SEPTIN9: variants seen among roughly 807,000 people sequenced by gnomAD.
The protein encoded by SEPTIN9 is septin 9, also known as septin-9.
SEPTIN9 carries 13 observed loss-of-function variants against 56.6 expected under a neutral mutation model. The observed-to-expected ratio is 0.23, with a 90% confidence interval of 0.15 to 0.37. SEPTIN9 has a LOEUF of 0.37. SEPTIN9 is among the 10% of genes least tolerant of loss of function. The pLI is 1.00. For missense variants in SEPTIN9, 650 were observed against 823.1 expected, an observed-to-expected ratio of 0.79 and a Z score of 2.57; for synonymous variants, 332 against 334.1, an observed-to-expected ratio of 0.99 and a Z score of 0.07.
At chr17:77,307,724 C>T (rs1407150414) in intron 2 of SEPTIN9, among the ~76,000 whole-genome samples, 3 of 152,188 alleles carry the variant, frequency 2.0e-5, no homozygotes, top group African/African-American at 7.2e-5. Flanking sequence ...TGGAAATTTT[C>T]CACACTAACC....
chr17:77,455,012 C>G (rs186439556), intron 3 of SEPTIN9, among the ~76,000 whole-genome samples: 6 of 150,792 alleles, frequency 4.0e-5, no homozygotes, highest in Admixed American at 1.3e-4. Context: ...CTGTCCTCCC[C>G]CTGGCCGGCC....
rs761316828 is a variant in SEPTIN9 at position 77,487,571 on chromosome 17, G to T, written c.1042+19G>T. The T allele has an allele frequency of 3.1e-6, 5 of 1,611,628 alleles. No homozygotes were observed. In the South Asian group the frequency reaches 4.4e-5, roughly 14 times the overall value. On this transcript the variant is annotated intron_variant, in intron 5 of 11. Coordinates refer to ENST00000427177, the MANE Select transcript of SEPTIN9 (RefSeq NM_001113491.2). This position sits in a 1 kb window ranked among gnomAD's most constrained non-coding sequence, Gnocchi z 4.3. ...ACGCACGGTCAGTGGCCGGGAGTGG[G>T]CTGGGGGTGCAGGACGCCCCTGCCT... is the stretch of plus-strand genomic sequence containing the variant.
chr17:77,466,879 A>G (rs1273008700), intron 3 of SEPTIN9, among the ~76,000 whole-genome samples: 2 of 152,226 alleles, frequency 1.3e-5, no homozygotes, highest in African/African-American at 2.4e-5. Flanking sequence ...CACGCACAGC[A>G]CCGGTCAGCC....
At chr17:77,472,318 A>T (rs1216435115) in intron 3 of SEPTIN9, 1 of 152,138 alleles carries the variant, frequency 6.6e-6, no homozygotes, top group East Asian at 1.9e-4. Context: ...TCCACAATAG[A>T]GGAGAGGTTT....
intron 2 of SEPTIN9, among the ~76,000 whole-genome samples, chr17:77,353,880 C>T (rs773992257): frequency 8.5e-5 from 13 of 152,112 alleles, no homozygotes; most frequent in African/African-American, 2.7e-4. Context: ...AATGCACACA[C>T]GCACATTGCA....
chr17:77,311,168 A>G (rs1422697195), intron 2 of SEPTIN9, among the ~76,000 whole-genome samples: 3 of 151,954 alleles, frequency 2.0e-5, no homozygotes, highest in Non-Finnish European at 4.4e-5. Context: ...GGAGCAGATG[A>G]TGGAGTGACG....
rs199574222 is a variant in SEPTIN9 at position 77,488,295 on chromosome 17, C to T, written c.1098C>T (p.Phe366=). 1.9e-5 allele frequency: 30 copies of T among 1,613,542 alleles called. No individual in the cohort carries two copies. The highest frequency in any genetic ancestry group is 1.6e-4 in the Middle Eastern group (1 of 6,084). The change falls in exon 6 of 12, where the codon TTC becomes TTT. Residue 366 remains phenylalanine (F), a synonymous_variant. Transcript: ENST00000427177. Reference sequence around the variant, plus strand: ...TGACAGTGATTGACACACCAGGGTTCGGGGACCACATCAACAACGAGAACT... The same window carrying T: ...TGACAGTGATTGACACACCAGGGTTTGGGGACCACATCAACAACGAGAACT... ...MKLTVIDTPG[F]GDHINNENCW...
At chr17:77,466,054 TCA>T (rs10599395) in intron 3 of SEPTIN9, among the ~76,000 whole-genome samples, 20,118 of 126,872 alleles carry the variant, frequency 0.16, 1,584 homozygotes, top group Non-Finnish European at 0.18. Flanking sequence ...TTCTGGACTG[TCA>T]CACACACACA....
chr17:77,393,544 CT>C (rs1175522852), intron 2 of SEPTIN9, among the ~76,000 whole-genome samples: 1 of 152,186 alleles, frequency 6.6e-6, no homozygotes, highest in Non-Finnish European at 1.5e-5. Context: ...ACAGTCACCC[CT>C]GCCGCGTGCC....
At chr17:77,417,364 C>G (rs992268473) in intron 3 of SEPTIN9, among the ~76,000 whole-genome samples, 6 of 152,138 alleles carry the variant, frequency 3.9e-5, no homozygotes, top group African/African-American at 1.4e-4. Context: ...GCCACAGGTG[C>G]AAGGGTTTGG....
chr17:77,338,705 C>T (rs978947382), intron 2 of SEPTIN9, among the ~76,000 whole-genome samples: 3 of 152,208 alleles, frequency 2.0e-5, no homozygotes, highest in Non-Finnish European at 4.4e-5. Context: ...AGGCGTGAGC[C>T]ACTGCACCTG....
At chr17:77,452,043 A>G (rs1598396889) in intron 3 of SEPTIN9, among the ~76,000 whole-genome samples, 1 of 152,190 alleles carries the variant, frequency 6.6e-6, no homozygotes, top group East Asian at 1.9e-4. Flanking sequence ...CGGCGCCGGC[A>G]CTGGGATCCA....
At chr17:77,348,527 T>C (rs1189716807) in intron 2 of SEPTIN9, among the ~76,000 whole-genome samples, 2 of 152,268 alleles carry the variant, frequency 1.3e-5, no homozygotes, top group East Asian at 3.9e-4. Context: ...CTCGAACTCC[T>C]GACCTCAGGC....
chr17:77,479,662 C>T (rs943666177), intron 3 of SEPTIN9, among the ~76,000 whole-genome samples: 2 of 152,166 alleles, frequency 1.3e-5, no homozygotes, highest in African/African-American at 2.4e-5. Flanking sequence ...GACCCAGCTG[C>T]AGCTGAGCCG....
At chr17:77,489,277 C>T (rs906447382) in intron 7 of SEPTIN9, among the ~76,000 whole-genome samples, 15 of 152,196 alleles carry the variant, frequency 9.9e-5, no homozygotes, top group African/African-American at 3.4e-4. Context: ...CGTTCTTAGA[C>T]GGGAAGCACA....
At chr17:77,302,723 A>G (rs775935421) in intron 1 of SEPTIN9, among the ~76,000 whole-genome samples, 32 of 152,104 alleles carry the variant, frequency 2.1e-4, no homozygotes, top group Non-Finnish European at 3.5e-4. Context: ...TCCTAGATAC[A>G]TGGGTCAGTG....
intron 1 of SEPTIN9, 75 bp from the exon 2 acceptor site, chr17:77,307,066 C>A: frequency 7.3e-7 from 1 of 1,368,256 alleles, no homozygotes; most frequent in Non-Finnish European, 1.0e-6. Context: ...GAGGACATTC[C>A]TGGTGTTAAT....
chr17:77,497,697 G>C (rs2040330359), intron 11 of SEPTIN9: 5 of 446,756 alleles, frequency 1.1e-5, no homozygotes, highest in African/African-American at 9.9e-5. Flanking sequence ...CCTGCCGGCA[G>C]CGTGGGGCGT....
intron 2 of SEPTIN9, among the ~76,000 whole-genome samples, chr17:77,336,169 T>C (rs959019038): frequency 5.3e-5 from 8 of 152,206 alleles, no homozygotes; most frequent in Admixed American, 6.5e-5. Flanking sequence ...CAGTAAGTCT[T>C]AATATAAAGT....
Sources: allele counts gnomAD v4.1 joint callset (sites outside exome capture counted in the v4.1 genomes callset), GRCh38; gene constraint gnomAD v4.1.1; non-coding constraint Gnocchi (gnomAD v3.1); transcripts MANE v1.5; gene names NCBI Gene and HGNC (gene_info 2026-07-23, HGNC 2026-07-21).